The following KHDRBS2 variants were observed in gnomAD, a reference collection of about 807,000 sequenced individuals.
KHDRBS2 encodes the protein KH RNA binding domain containing, signal transduction associated 2.
KHDRBS2 carries 26 observed loss-of-function variants against 44.3 expected under a neutral mutation model. The ratio of observed to expected loss-of-function variants is 0.59; its 90% CI spans 0.43 to 0.81. The LOEUF is 0.81. Among genes scored for constraint, KHDRBS2 ranks in the 40% least tolerant of loss-of-function variants. The pLI is 0.00. For synonymous variants in KHDRBS2, 194 were observed against 151.1 expected, an observed-to-expected ratio of 1.28 and a Z score of -2.08; for missense variants, 476 against 433.1, an observed-to-expected ratio of 1.10 and a Z score of -0.88.
At chr6:62,222,336 G>T (rs1232049353) in intron 1 of KHDRBS2, among the ~76,000 whole-genome samples, 1 of 152,118 alleles carries the variant, frequency 6.6e-6, no homozygotes, top group East Asian at 1.9e-4. Context: ...GGGAGAAAAA[G>T]AGGTTTAATT....
Position 61,716,746 on chromosome 6 carries a change from T to TTG in KHDRBS2, c.893+15934_893+15935dup, listed in dbSNP as rs568560147. Among the ~76,000 whole-genome samples, 259 of 152,116 alleles carry TTG rather than the reference T, an allele frequency of 1.7e-3. 2 individuals are homozygous for TTG. The highest frequency in any genetic ancestry group is 6.1e-3 in the African/African-American group (252 of 41,540). On this transcript the variant is annotated intron_variant, in intron 7 of 8. Coordinates refer to ENST00000281156, the MANE Select transcript of KHDRBS2 (RefSeq NM_152688.4). Reference sequence around the variant, plus strand: ...TATGTTATTCATATGTTAAACTTTTTTGTGTGTGTGTGAAGCTAGGCTTCT... The same window carrying TTG: ...TATGTTATTCATATGTTAAACTTTTTTGTGTGTGTGTGTGAAGCTAGGCTTCT...
Position 61,993,825 on chromosome 6 carries a change from C to T in KHDRBS2, c.337-15613G>A, listed in dbSNP as rs115698525. The stretch of plus-strand genomic sequence containing the variant: ...TTTCTCACCTATGAAGTTATTTAAA[C>T]CTTGTAATAGGTTAATGTTATCTGC... On this transcript the variant is annotated intron_variant, in intron 3 of 8. Transcript: ENST00000281156. Among the ~76,000 whole-genome samples the T allele has an allele frequency of 1.9e-3, 282 of 151,686 alleles. 3 individuals carry two copies. Among genetic ancestry groups the T allele is most frequent in the South Asian group, 0.015 (74 of 4,794 alleles).
the KHDRBS2 span, among the ~76,000 whole-genome samples, chr6:61,655,348 A>T: frequency 6.6e-6 from 1 of 151,724 alleles, no homozygotes; most frequent in African/African-American, 2.4e-5. Context: ...TCCACCTACT[A>T]GTTTAAGTGA....
intron 4 of KHDRBS2, among the ~76,000 whole-genome samples, chr6:61,947,866 G>A (rs1182750190): frequency 6.7e-6 from 1 of 150,072 alleles, no homozygotes; most frequent in East Asian, 1.9e-4. Context: ...CTTGATTTCA[G>A]TTAGGAACAA....
At chr6:61,740,351 A>C (rs1775967056) in intron 6 of KHDRBS2, among the ~76,000 whole-genome samples, 1 of 151,974 alleles carries the variant, frequency 6.6e-6, no homozygotes, top group Admixed American at 6.6e-5. Flanking sequence ...AAAATGTCTA[A>C]GAAACAGTAG....
chr6:62,137,904 T>G (rs1811917823), intron 2 of KHDRBS2, among the ~76,000 whole-genome samples: 1 of 152,246 alleles, frequency 6.6e-6, no homozygotes, highest in Admixed American at 6.5e-5. Context: ...TTAATTATTA[T>G]GCAGTGAGAT....
At chr6:61,725,448 G>A (rs1241280242) in intron 7 of KHDRBS2, among the ~76,000 whole-genome samples, 1 of 152,002 alleles carries the variant, frequency 6.6e-6, no homozygotes, top group Non-Finnish European at 1.5e-5. Flanking sequence ...CCAGATCAAA[G>A]TGGAACTAAT....
chr6:61,940,531 A>G (rs1811943737), intron 4 of KHDRBS2, among the ~76,000 whole-genome samples: 1 of 152,136 alleles, frequency 6.6e-6, no homozygotes, highest in South Asian at 2.1e-4. Flanking sequence ...GCCTCAAGCT[A>G]TCTTCCCAAC....
At chr6:61,817,054 T>C (rs1562239103) in intron 6 of KHDRBS2, 1 of 425,184 alleles carries the variant, frequency 2.4e-6, no homozygotes, top group Non-Finnish European at 4.8e-6. Context: ...TATTTGTGGA[T>C]AATATTCAGG....
At chr6:62,072,435 G>T (rs1028422515) in intron 2 of KHDRBS2, among the ~76,000 whole-genome samples, 59 of 152,258 alleles carry the variant, frequency 3.9e-4, no homozygotes, top group African/African-American at 1.3e-3. Context: ...CAAAGGGAAT[G>T]TTTCCAATTT....
intron 6 of KHDRBS2, among the ~76,000 whole-genome samples, chr6:61,815,144 G>GCAAAACCCATGGATA (rs779099566): frequency 1.8e-4 from 28 of 151,384 alleles, no homozygotes; most frequent in Non-Finnish European, 4.0e-4. Context: ...ATCCATGGAT[G>GCAAAACCCATGGATA]CAAAACCCAT....
intron 3 of KHDRBS2, among the ~76,000 whole-genome samples, chr6:62,003,199 A>C (rs1307635057): frequency 6.6e-6 from 1 of 152,020 alleles, no homozygotes; most frequent in East Asian, 1.9e-4. Flanking sequence ...GGATGACTTG[A>C]GCCTGGGAGG....
At chr6:62,065,614 C>T (rs1258538079) in intron 2 of KHDRBS2, among the ~76,000 whole-genome samples, 2 of 120,926 alleles carry the variant, frequency 1.7e-5, no homozygotes, top group Admixed American at 1.1e-4. Flanking sequence ...ATGGGAATAT[C>T]ACACTCTGGG....
At position 62,253,877 on chromosome 6, in the gene KHDRBS2, T is replaced by C. The variant is rs141593419; in HGVS notation, c.91+31981A>G. On this transcript the variant is annotated intron_variant, in intron 1 of 8. Coordinates refer to ENST00000281156, the MANE Select transcript of KHDRBS2 (RefSeq NM_152688.4). ...AATTTTGCTATTTCTGGTATAACAG[T>C]GGAGAATATTTTTTCTGCATTTACA... Among the ~76,000 whole-genome samples the C allele has an allele frequency of 2.5e-3, 383 of 152,008 alleles. 3 individuals carry two copies. Among genetic ancestry groups the C allele is most frequent in the African/African-American group, 8.4e-3 (350 of 41,498 alleles).
At chr6:62,285,463 A>C (rs529220670) in intron 1 of KHDRBS2, among the ~76,000 whole-genome samples, 2 of 152,294 alleles carry the variant, frequency 1.3e-5, no homozygotes, top group South Asian at 4.1e-4. Context: ...AAAAATAAAA[A>C]TACCGATCTG....
intron 6 of KHDRBS2, among the ~76,000 whole-genome samples, chr6:61,771,549 A>C (rs1780910996): frequency 6.6e-6 from 1 of 152,184 alleles, no homozygotes; most frequent in Non-Finnish European, 1.5e-5. Context: ...AGTCTCTGAT[A>C]AAACAGACTT....
intron 2 of KHDRBS2, among the ~76,000 whole-genome samples, chr6:62,172,057 G>A (rs751676064): frequency 1.6e-4 from 24 of 152,094 alleles, no homozygotes; most frequent in Non-Finnish European, 2.1e-4. Flanking sequence ...CATGATGACA[G>A]GATCAAATCA....
intron 2 of KHDRBS2, among the ~76,000 whole-genome samples, chr6:62,139,030 A>T (rs988380752): frequency 6.6e-6 from 1 of 152,140 alleles, no homozygotes; most frequent in Non-Finnish European, 1.5e-5. Context: ...TTATCATGAA[A>T]TGGGTAGTGC....
In KHDRBS2 at chr6:61,968,358, C is replaced by T. The variant is rs1315663953; in HGVS notation, c.483+9708G>A. ...TATGTTCATGCCCCTACACCTACCA[C>T]AGTTCTGTCACATACTCCTTGCCTA... On this transcript the variant is annotated intron_variant, in intron 4 of 8. Transcript: ENST00000281156. Among the ~76,000 whole-genome samples, 3 of 151,996 alleles carry T rather than the reference C, an allele frequency of 2.0e-5. No individual in the cohort carries two copies. In the East Asian group the frequency reaches 5.8e-4, roughly 29 times the overall value.
Sources: gnomAD v4.1 joint callset for allele counts (sites outside exome capture counted in the v4.1 genomes callset) on GRCh38, gnomAD v4.1.1 for gene constraint, MANE v1.5 for transcripts, NCBI Gene and HGNC (gene_info 2026-07-23, HGNC 2026-07-21) for gene names.